The following INTS1 variants were observed in gnomAD, a reference collection of about 807,000 sequenced individuals.
The protein encoded by INTS1 is integrator complex subunit 1.
In INTS1, 137 loss-of-function variants were observed where a neutral mutation model predicts 241.6. The observed-to-expected ratio is 0.57, with a 90% CI of 0.49 to 0.65. The LOEUF is 0.65. INTS1 is among the 30% of genes least tolerant of loss of function. The pLI is 0.00. For missense variants in INTS1, 3,073 were observed against 3,032.2 expected, an observed-to-expected ratio of 1.01 and a Z score of -0.32; for synonymous variants, 1,692 against 1,337.8, an observed-to-expected ratio of 1.26 and a Z score of -5.78.
Position 1,493,866 on chromosome 7 carries a change from C to T in INTS1, c.1956G>A (p.Thr652=), listed in dbSNP as rs375550266. The T allele has an allele frequency of 9.1e-5, 143 of 1,566,564 alleles. 1 individual carries two copies. Among genetic ancestry groups the T allele is most frequent in the African/African-American group, 8.1e-4 (60 of 73,632 alleles). Residue 652 remains threonine, a synonymous_variant, in exon 15 of 48, where the codon ACG becomes ACA. Transcript: ENST00000404767. The surrounding 1 kb of genome is among the most constrained non-coding windows in gnomAD (Gnocchi z 5.3). The part of the protein sequence containing the change: ...LCSEVPILED[T]LMRILVIGLS... ...GCCCGATGACCAGGATGCGCATCAG[C>T]GTGTCCTCCAAAATGGGCACCTCGG...
At chr7:1,488,507 G>A (rs1421074473) in intron 18 of INTS1, among the ~76,000 whole-genome samples, 1 of 151,896 alleles carries the variant, frequency 6.6e-6, no homozygotes, top group Non-Finnish European at 1.5e-5. Flanking sequence ...GGACACACAC[G>A]CACCCACTCC....
chr7:1,482,292 T>A (rs1018951944), intron 27 of INTS1: 1 of 382,560 alleles, frequency 2.6e-6, no homozygotes, highest in Non-Finnish European at 4.6e-6. Context: ...CGAGGACCTG[T>A]TTCTCACTCT....
intron 19 of INTS1, 63 bp from the exon 20 acceptor site, chr7:1,487,512 C>T (rs1381930249): frequency 6.4e-7 from 1 of 1,551,464 alleles, no homozygotes; most frequent in East Asian, 2.3e-5. Flanking sequence ...CAGAACCCCT[C>T]CTCCTCCCAT....
chr7:1,486,067 C>T (rs1782250816), intron 22 of INTS1, among the ~76,000 whole-genome samples: 2 of 151,884 alleles, frequency 1.3e-5, no homozygotes, highest in African/African-American at 2.4e-5. Context: ...TCCCAAGTAG[C>T]TGGGAACACA....
chr7:1,493,796 C>T lies in INTS1; in HGVS notation c.2026G>A (p.Ala676Thr). ...PLGPADAMEL[A>T]DHLVKRAAAV... is the part of the protein sequence containing the mutation. The stretch of plus-strand genomic sequence containing the variant: ...GCCGCCCGCTTCACCAGGTGGTCAG[C>T]AAGCTCCATGGCGTCCGCAGGCCCG... The change falls in exon 15 of 48, where the codon GCT becomes ACT. Residue 676 changes from alanine (A) to threonine (T), a missense_variant. Coordinates refer to ENST00000404767, the MANE Select transcript of INTS1 (RefSeq NM_001080453.3). This position sits in a 1 kb window ranked among gnomAD's most constrained non-coding sequence, Gnocchi z 5.3. 6.3e-7 allele frequency: 1 copy of T among 1,579,158 alleles called. No individual in the cohort carries two copies. Among genetic ancestry groups the T allele is most frequent in the East Asian group, 2.3e-5 (1 of 42,634 alleles).
rs1236585460 is a variant in INTS1, at chr7:1,500,085, C to A, written c.547-64G>T. The A allele has an allele frequency of 2.5e-6, 4 of 1,595,108 alleles. No homozygotes were observed. The African/African-American group carries it at 5.4e-5, about 21-fold the overall frequency. On this transcript the variant is annotated intron_variant, in intron 4 of 47. Coordinates refer to ENST00000404767, the MANE Select transcript of INTS1 (RefSeq NM_001080453.3). Reference sequence around the variant, plus strand: ...GCCCCAGAGGCAAAGCTGGGGTGGGCCGGGAGGGACACTTAAGGGGGAGGT... The same window carrying A: ...GCCCCAGAGGCAAAGCTGGGGTGGGACGGGAGGGACACTTAAGGGGGAGGT...
At chr7:1,474,956 A>C in intron 39 of INTS1, 118 bp from the exon 40 acceptor site, 1 of 1,345,514 alleles carries the variant, frequency 7.4e-7, no homozygotes, top group Non-Finnish European at 9.9e-7. Context: ...TGAGCAGAGG[A>C]ACTGGCTCCT....
chr7:1,476,180 C>G, intron 38 of INTS1, 49 bp downstream of exon 38: 1 of 1,532,908 alleles, frequency 6.5e-7, no homozygotes, highest in Non-Finnish European at 8.8e-7. Context: ...CCTCGACCCC[C>G]TCCATGGCTC....
chr7:1,485,856 G>A (rs975544263), intron 22 of INTS1, among the ~76,000 whole-genome samples: 33 of 152,216 alleles, frequency 2.2e-4, no homozygotes, highest in African/African-American at 7.5e-4. Context: ...TGCCTAGGCT[G>A]GAGTGCAGTG....
Position 1,497,037 on chromosome 7 carries a change from C to G in INTS1, c.1602+101G>C, listed in dbSNP as rs2128543156. 5 of 1,205,654 alleles carry G rather than the reference C, an allele frequency of 4.1e-6. No homozygotes were observed. The highest frequency in any genetic ancestry group is 5.3e-4 in the Middle Eastern group (2 of 3,788). 74.7% of individuals were successfully genotyped at this position (1,205,654 alleles called of 1,614,324 possible). A position where few individuals can be genotyped will look rare whatever the true frequency, so the allele number is the denominator to read the frequency against. ...TCCCCGTACCCACGCTCAGCCAGAG[C>G]ATCCGAAGGGGTGGAGTGTGCATGG... On this transcript the variant is annotated intron_variant, in intron 11 of 47. Transcript: ENST00000404767. The surrounding 1 kb of genome is among the most constrained non-coding windows in gnomAD (Gnocchi z 5.3).
At chr7:1,472,189 G>A (rs1462095846) in intron 44 of INTS1, 84 bp downstream of exon 44, 4 of 1,048,372 alleles carry the variant, frequency 3.8e-6, no homozygotes, top group Admixed American at 4.0e-5. Context: ...CAAAGTCAGT[G>A]CCCAAATGGC....
chr7:1,475,272 C>A (rs978284734), intron 39 of INTS1, among the ~76,000 whole-genome samples: 14 of 152,022 alleles, frequency 9.2e-5, no homozygotes, highest in Admixed American at 6.6e-5. Context: ...GTGATCCCAG[C>A]TACTCGGGAG....
intron 26 of INTS1, 132 bp from the exon 27 acceptor site, chr7:1,482,839 T>C (rs1782060760): frequency 1.1e-5 from 11 of 1,046,702 alleles, no homozygotes; most frequent in East Asian, 2.4e-5. Context: ...ACGGGGCTCC[T>C]GTGCTAGGTG....
chr7:1,485,012 G>GACCCTGCT, intron 24 of INTS1, 86 bp downstream of exon 24: 1 of 559,004 alleles, frequency 1.8e-6, no homozygotes, highest in African/African-American at 1.9e-5. Context: ...ACTGCCGGCT[G>GACCCTGCT]GCCCCGTCCC....
rs772375961 is a variant in INTS1, at chr7:1,476,589, C to T, written c.5132G>A (p.Arg1711Gln). 20 of 1,591,770 alleles carry T rather than the reference C, an allele frequency of 1.3e-5. No homozygotes were observed. Among genetic ancestry groups the T allele is most frequent in the South Asian group, 2.2e-5 (2 of 90,378 alleles). The change falls in exon 37 of 48, where the codon CGG becomes CAG. Residue 1711 changes from arginine to glutamine, a missense_variant. By Grantham distance (43) the Arg-to-Gln change is conservative. Transcript: ENST00000404767. ...CIHVPRIWQGRDQRTPQKRRE... is the reference protein window; with the variant it reads ...CIHVPRIWQGQDQRTPQKRRE... Reference sequence around the variant, plus strand: ...ACCTGCCTGCGGGGTGCGCTGGTCCCGCCCCTGCCAGATGCGAGGAACATG... The same window carrying T: ...ACCTGCCTGCGGGGTGCGCTGGTCCTGCCCCTGCCAGATGCGAGGAACATG...
chr7:1,498,647 C>A, intron 9 of INTS1, 60 bp downstream of exon 9: 6 of 1,524,266 alleles, frequency 3.9e-6, no homozygotes, highest in Non-Finnish European at 5.3e-6. Context: ...GCTCCGCCCA[C>A]ACCCCCACCC....
rs1156962745 is a variant in INTS1, at chr7:1,489,397, A to C, written c.2265T>G (p.Ala755=). ...TCAGGGTCGGGTACTCCTCCCACGC[A>C]GCCAGGCCTAGGGAACCGGAGGGTG... is the stretch of plus-strand genomic sequence containing the variant. ...AAFNPENIGL[A]AWEEYPTLKM... Residue 755 remains alanine, a synonymous_variant, in exon 18 of 48, where the codon GCT becomes GCG. Coordinates refer to ENST00000404767, the MANE Select transcript of INTS1 (RefSeq NM_001080453.3). 4.0e-6 allele frequency: 4 copies of C among 1,007,438 alleles called. No individual in the cohort carries two copies. Among genetic ancestry groups the C allele is most frequent in the East Asian group, 2.3e-4 (2 of 8,740 alleles). 62.4% of individuals were successfully genotyped at this position (1,007,438 alleles called of 1,614,324 possible). A position where few individuals can be genotyped will look rare whatever the true frequency, so the allele number is the denominator to read the frequency against.
In INTS1 at chr7:1,476,052, G is replaced by A. The variant is rs1201272919; in HGVS notation, c.5398C>T (p.Arg1800Ter). The change falls in exon 39 of 48, where the codon CGA (arginine) becomes TGA (stop). Residue 1800 changes from arginine (R) to a stop codon, truncating the protein, a stop_gained. Coordinates refer to ENST00000404767, the MANE Select transcript of INTS1 (RefSeq NM_001080453.3). LOFTEE classifies it high-confidence loss of function. Reference protein sequence around the residue: ...WGDSVLGRRCRDLLLQLYLQR... With the variant: ...WGDSVLGRRC ...AGGTAGAGCTGCAGGAGAAGGTCTC[G>A]GCAGCGCCTGCCCAGCACGCTGGAA... 1.0e-5 allele frequency: 16 copies of A among 1,544,444 alleles called. No individual in the cohort carries two copies. Among genetic ancestry groups the A allele is most frequent in the Non-Finnish European group, 1.2e-5 (14 of 1,146,476 alleles).
chr7:1,503,178 T>G lies in INTS1; in HGVS notation c.72A>C (p.Pro24=), dbSNP rs3752715. Residue 24 remains proline, a synonymous_variant, in exon 3 of 48, where the codon CCA becomes CCC. Transcript: ENST00000404767. ...TTGAGCCCAGAGCAATGAAGTCTCC[T>G]GGGGGAGGGTGCCCTGCAGAGAAAG... The part of the protein sequence containing the change: ...AAAKPSGHPP[P]GDFIALGSKG... The G allele has an allele frequency of 2.0e-4, 300 of 1,534,254 alleles. No individual in the cohort carries two copies. In the East Asian group the frequency reaches 6.3e-3, roughly 32 times the overall value.
Sources: gnomAD v4.1 joint callset for allele counts (sites outside exome capture counted in the v4.1 genomes callset) on GRCh38, gnomAD v4.1.1 for gene constraint, Gnocchi (gnomAD v3.1) non-coding constraint, MANE v1.5 for transcripts, NCBI Gene and HGNC (gene_info 2026-07-23, HGNC 2026-07-21) for gene names.